FAM13B: variants seen among roughly 807,000 people sequenced by gnomAD.
The protein encoded by FAM13B is family with sequence similarity 13 member B.
In FAM13B, 60 loss-of-function variants were observed where a neutral mutation model predicts 117.3. The ratio of observed to expected loss-of-function variants is 0.51; its 90% CI spans 0.42 to 0.63. The LOEUF is 0.63. Among genes scored for constraint, FAM13B ranks in the 30% least tolerant of loss-of-function variants. FAM13B has a pLI of 0.00. For missense variants in FAM13B, 972 were observed against 1,091.9 expected (o/e 0.89, Z 1.55); for synonymous variants, 332 against 356.1 (o/e 0.93, Z 0.76).
At chr5:137,957,207 A>G (rs1766815690) in intron 13 of FAM13B, among the ~76,000 whole-genome samples, 1 of 152,164 alleles carries the variant, frequency 6.6e-6, no homozygotes, top group Admixed American at 6.6e-5. Context: ...GGTCTAAAGT[A>G]AGTTGGTCTC....
At chr5:137,985,026 C>T (rs537159718) in intron 10 of FAM13B, among the ~76,000 whole-genome samples, 1 of 152,290 alleles carries the variant, frequency 6.6e-6, no homozygotes, top group South Asian at 2.1e-4. Context: ...GCCTTGGCCT[C>T]CCAAAGTGCT....
chr5:137,949,205 C>T (rs1053557520), intron 17 of FAM13B, 21 bp from the exon 18 acceptor site: 1 of 1,588,192 alleles, frequency 6.3e-7, no homozygotes, highest in East Asian at 2.2e-5. Context: ...GAAATAAGGA[C>T]AGATCAGTAA....
At position 138,017,230 on chromosome 5, in the gene FAM13B, G is replaced by A. The variant is rs191763403; in HGVS notation, c.370+1072C>T. 5.3e-5 allele frequency among the ~76,000 whole-genome samples: 8 copies of A among 152,256 alleles called. No individual in the cohort carries two copies. The East Asian group carries it at 1.5e-3, about 29-fold the overall frequency. ...CTGTACAGAAAACATGTGTAAGAGG[G>A]TCACAGAACGTCTTTGCATTGACCT... is the stretch of plus-strand genomic sequence containing the variant. On this transcript the variant is annotated intron_variant, in intron 4 of 23. Coordinates refer to ENST00000689681, the MANE Select transcript of FAM13B (RefSeq NM_001385994.1).
chr5:138,036,132 G>T, upstream of FAM13B: 1 of 337,024 alleles, frequency 3.0e-6, no homozygotes, highest in Non-Finnish European at 5.9e-6. Context: ...TACCCTAGGG[G>T]GTGCCATTCA....
At chr5:137,972,454 G>A (rs1477091854) in intron 10 of FAM13B, among the ~76,000 whole-genome samples, 5 of 150,664 alleles carry the variant, frequency 3.3e-5, no homozygotes, top group South Asian at 2.1e-4. Flanking sequence ...TTGATGGGAC[G>A]TATCTCAAAA....
At chr5:138,003,681 C>T (rs1561517536) in intron 7 of FAM13B, among the ~76,000 whole-genome samples, 1 of 152,160 alleles carries the variant, frequency 6.6e-6, no homozygotes, top group Non-Finnish European at 1.5e-5. Flanking sequence ...CAGTTCCACG[C>T]TGGCCATGGG....
chr5:138,018,441 G>C lies in FAM13B; in HGVS notation c.231C>G (p.Tyr77Ter). The change falls in exon 4 of 24, where the codon TAC becomes TAG. Residue 77 changes from tyrosine to a stop codon, truncating the protein, a stop_gained. Transcript: ENST00000689681. LOFTEE classifies it high-confidence loss of function. ...CCAAATCCACCTCTTCTCCGCTGTC[G>C]TATCTCTGCCGAAGCCACTCCACTG... Reference protein sequence around the residue: ...AETVEWLRQRYDSGEEVDLVK... With the variant: ...AETVEWLRQR 1 of 1,614,096 alleles carries C rather than the reference G, an allele frequency of 6.2e-7. No homozygotes were observed. The highest frequency in any genetic ancestry group is 8.5e-7 in the Non-Finnish European group (1 of 1,180,008).
At chr5:137,988,886 G>T (rs951946049) in intron 7 of FAM13B, among the ~76,000 whole-genome samples, 1 of 152,144 alleles carries the variant, frequency 6.6e-6, no homozygotes, top group Non-Finnish European at 1.5e-5. Context: ...ATATACTTGT[G>T]GGGGTGAGAG....
chr5:138,032,887 A>G lies in FAM13B; in HGVS notation c.-308T>C, dbSNP rs905344966. The G allele has an allele frequency of 8.1e-6, 8 of 985,580 alleles. No homozygotes were observed. Among genetic ancestry groups the G allele is most frequent in the Non-Finnish European group, 9.6e-6 (8 of 829,994 alleles). The allele number at this position is 985,580 out of a possible 1,614,324, so 61.1% of individuals were successfully genotyped here. On this transcript the variant is annotated 5_prime_UTR_variant, in exon 1 of 24. Transcript: ENST00000689681. ...GGCCCCAAGTGGCTCCGCGGCCGAG[A>G]AGCCTCTTCCTGGGGCGGCCGCTGA...
chr5:137,990,853 G>A (rs1403855003), intron 7 of FAM13B, among the ~76,000 whole-genome samples: 5 of 152,076 alleles, frequency 3.3e-5, no homozygotes, highest in Admixed American at 6.5e-5. Flanking sequence ...TGTCAATATA[G>A]TATATTGACA....
chr5:137,961,839 C>A (rs542013765), intron 11 of FAM13B, among the ~76,000 whole-genome samples: 1 of 152,108 alleles, frequency 6.6e-6, no homozygotes, highest in Admixed American at 6.6e-5. Context: ...TGATTTAAAA[C>A]ATTCTAGAAA....
chr5:137,979,294 T>C (rs1465205998), intron 10 of FAM13B, among the ~76,000 whole-genome samples: 1 of 152,178 alleles, frequency 6.6e-6, no homozygotes, highest in African/African-American at 2.4e-5. Context: ...ATTACAGGCA[T>C]GAGCCACCAT....
At chr5:137,997,822 GAGTT>G (rs1212434219) in intron 7 of FAM13B, among the ~76,000 whole-genome samples, 1 of 152,218 alleles carries the variant, frequency 6.6e-6, no homozygotes, top group African/African-American at 2.4e-5. Flanking sequence ...GTCTATGAAA[GAGTT>G]AGAAGTACCT....
At position 137,968,547 on chromosome 5, in the gene FAM13B, A is replaced by G. The variant is rs141650751; in HGVS notation, c.1180-6078T>C. On this transcript the variant is annotated intron_variant, in intron 10 of 23. Coordinates refer to ENST00000689681, the MANE Select transcript of FAM13B (RefSeq NM_001385994.1). ...TAGTACTACAGTTTATGTAGATCACATAAAGCTGTTTATGTGATCAGCTTT... is the reference window on the plus strand; with the variant it reads ...TAGTACTACAGTTTATGTAGATCACGTAAAGCTGTTTATGTGATCAGCTTT... 5.0e-3 allele frequency among the ~76,000 whole-genome samples: 769 copies of G among 152,286 alleles called. 1 individual carries two copies. The highest frequency in any genetic ancestry group is 9.3e-3 in the Non-Finnish European group (630 of 68,018).
intron 14 of FAM13B, chr5:137,954,619 A>G (rs1765970970): frequency 5.9e-6 from 1 of 170,610 alleles, no homozygotes; most frequent in Non-Finnish European, 1.2e-5. Context: ...CCAGAGTTCA[A>G]TTTTTTTTTT....
intron 10 of FAM13B, among the ~76,000 whole-genome samples, chr5:137,969,607 G>A (rs535579148): frequency 9.2e-5 from 14 of 152,358 alleles, no homozygotes; most frequent in South Asian, 4.1e-4. Context: ...AAAGCTGGAC[G>A]GAGAATGACT....
At chr5:138,006,851 A>T in intron 7 of FAM13B, 139 bp downstream of exon 7, 1 of 783,352 alleles carries the variant, frequency 1.3e-6, no homozygotes, top group Non-Finnish European at 1.9e-6. Context: ...TGCATCTTTA[A>T]ATTTTACTTC....
intron 7 of FAM13B, among the ~76,000 whole-genome samples, chr5:137,991,140 C>G (rs188846586): frequency 1.3e-5 from 2 of 152,198 alleles, no homozygotes; most frequent in Admixed American, 1.3e-4. Context: ...TGAAAATAAA[C>G]TGTATAAGAA....
At chr5:137,965,868 A>T (rs895495628) in intron 10 of FAM13B, among the ~76,000 whole-genome samples, 2 of 152,206 alleles carry the variant, frequency 1.3e-5, no homozygotes, top group Non-Finnish European at 2.9e-5. Flanking sequence ...GGGCACCATC[A>T]ATGAAGGTAC....
Sources: allele counts gnomAD v4.1 joint callset (sites outside exome capture counted in the v4.1 genomes callset), GRCh38; gene constraint gnomAD v4.1.1; transcripts MANE v1.5; gene names NCBI Gene and HGNC (gene_info 2026-07-23, HGNC 2026-07-21).